The following TEX2 variants were observed in gnomAD, a reference collection of about 807,000 sequenced individuals.
TEX2 encodes testis-expressed protein 2.
TEX2 carries 53 observed loss-of-function variants against 106.9 expected under a neutral mutation model. The observed-to-expected ratio is 0.50, with a 90% CI of 0.40 to 0.62. The LOEUF (loss-of-function observed/expected upper bound fraction) is 0.62, where lower values mean the gene tolerates loss of function less well. Ranked by LOEUF, TEX2 falls within the 20% of genes least tolerant of loss-of-function variation. TEX2 has a pLI of 0.00. For missense variants in TEX2, 1,207 were observed against 1,379.0 expected, an observed-to-expected ratio of 0.88 and a Z score of 1.98; for synonymous variants, 523 against 534.8, an observed-to-expected ratio of 0.98 and a Z score of 0.30.
rs1420552189 is a variant in TEX2 at position 64,252,379 on chromosome 17, G to C, written c.-26+10789C>G. Among the ~76,000 whole-genome samples the C allele has an allele frequency of 3.3e-5, 5 of 151,920 alleles. No individual in the cohort carries two copies. The South Asian group carries it at 8.3e-4, about 25-fold the overall frequency. ...CCAGGCTGGAGTGCAGTGGCACAATGATGGCTCACTGCAGCCTGGACCTCC... is the reference window on the plus strand; with the variant it reads ...CCAGGCTGGAGTGCAGTGGCACAATCATGGCTCACTGCAGCCTGGACCTCC... On this transcript the variant is annotated intron_variant, in intron 1 of 11. Transcript: ENST00000584379.
intron 1 of TEX2, among the ~76,000 whole-genome samples, chr17:64,219,374 C>T (rs1464594095): frequency 1.3e-5 from 2 of 151,902 alleles, no homozygotes; most frequent in African/African-American, 2.4e-5. Flanking sequence ...GACGTGGTGG[C>T]GCATGCCTGT....
At chr17:64,247,554 G>T (rs782721797) in intron 1 of TEX2, among the ~76,000 whole-genome samples, 7 of 152,172 alleles carry the variant, frequency 4.6e-5, no homozygotes, top group Non-Finnish European at 7.3e-5. Flanking sequence ...CTCCAGAGAT[G>T]ATCTGGTTTG....
At chr17:64,197,979 ACTTTAT>A (rs782220630) in intron 2 of TEX2, among the ~76,000 whole-genome samples, 2 of 152,014 alleles carry the variant, frequency 1.3e-5, no homozygotes, top group African/African-American at 2.4e-5. Flanking sequence ...TTCCCTTATG[ACTTTAT>A]CTTTAGGCCC....
chr17:64,228,098 T>C (rs1181081557), intron 1 of TEX2, among the ~76,000 whole-genome samples: 3 of 152,176 alleles, frequency 2.0e-5, no homozygotes, highest in African/African-American at 4.8e-5. Flanking sequence ...GTTATTTCCT[T>C]AGGAAATATT....
rs10526886 is a variant in TEX2 at position 64,218,405 on chromosome 17, CTTTTTTTTTTTTTTTT to C, written c.-25-4179_-25-4164del. 5.8e-5 allele frequency among the ~76,000 whole-genome samples: 7 copies of C among 120,614 alleles called. No individual in the cohort carries two copies. In the South Asian group the frequency reaches 1.3e-3, roughly 22 times the overall value. 79.1% of individuals were successfully genotyped at this position (120,614 alleles called of 152,430 possible). On this transcript the variant is annotated intron_variant, in intron 1 of 11. Transcript: ENST00000584379. ...CCTAGTCTGGCAAAGGACACTTTCA[CTTTTTTTTTTTTTTTT>C]TTTTTTTTTTTTTTAAAGACAGAGT...
rs1422447522 is a variant in TEX2 at position 64,148,809 on chromosome 17, C to A, written c.*160G>T. The stretch of plus-strand genomic sequence containing the variant: ...AGTTGTCACTAGATGCAGGGAATGA[C>A]ACCTCACAGTGGAATGGGCACTGGC... On this transcript the variant is annotated 3_prime_UTR_variant, in exon 12 of 12. Transcript: ENST00000584379. 2.4e-6 allele frequency: 2 copies of A among 821,010 alleles called. No individual in the cohort carries two copies. The highest frequency in any genetic ancestry group is 3.5e-5 in the African/African-American group (2 of 57,254). The allele number at this position is 821,010 out of a possible 1,614,324, so 50.9% of individuals were successfully genotyped here.
chr17:64,247,005 C>T (rs2034000635), intron 1 of TEX2, among the ~76,000 whole-genome samples: 1 of 151,816 alleles, frequency 6.6e-6, no homozygotes, highest in African/African-American at 2.4e-5. Flanking sequence ...CGTGGTGGCT[C>T]ATGCCTGTAA....
At chr17:64,246,926 T>A (rs1216080596) in intron 1 of TEX2, among the ~76,000 whole-genome samples, 2 of 152,048 alleles carry the variant, frequency 1.3e-5, no homozygotes, top group Non-Finnish European at 2.9e-5. Context: ...TCACCAGACC[T>A]AACAGAAAAG....
intron 1 of TEX2, among the ~76,000 whole-genome samples, chr17:64,261,758 C>T (rs1214162127): frequency 2.0e-5 from 3 of 152,170 alleles, no homozygotes; most frequent in Non-Finnish European, 4.4e-5. Context: ...TGGCAAAATC[C>T]CACTCTATCC....
chr17:64,188,401 G>T lies in TEX2; in HGVS notation c.2191C>A (p.His731Asn). 6.2e-7 allele frequency: 1 copy of T among 1,614,186 alleles called. No individual in the cohort carries two copies. Among genetic ancestry groups the T allele is most frequent in the South Asian group, 1.1e-5 (1 of 91,082 alleles). Residue 731 changes from histidine (H) to asparagine (N), a missense_variant, in exon 5 of 12, where the codon CAC (histidine) becomes AAC (asparagine). Physicochemically the swap from His to Asn is moderately conservative, Grantham distance 68. Coordinates refer to ENST00000584379, the MANE Select transcript of TEX2 (RefSeq NM_001288732.2). Reference sequence around the variant, plus strand: ...CCGGACGGACTGTTGTGTCTGCTGTGTGCAGGCAAAAGCCCTGGAGCCAAG... The same window carrying T: ...CCGGACGGACTGTTGTGTCTGCTGTTTGCAGGCAAAAGCCCTGGAGCCAAG... ...SGGKPGLLPA[H>N]SRHNSPSGHL...
chr17:64,245,998 T>A (rs1311366857), intron 1 of TEX2, among the ~76,000 whole-genome samples: 1 of 151,926 alleles, frequency 6.6e-6, no homozygotes, highest in Non-Finnish European at 1.5e-5. Context: ...TTAAGCAGAG[T>A]CTCCCAGATC....
intron 1 of TEX2, among the ~76,000 whole-genome samples, chr17:64,257,994 C>G (rs1211072384): frequency 6.6e-6 from 1 of 152,032 alleles, no homozygotes; most frequent in Non-Finnish European, 1.5e-5. Flanking sequence ...TCACTGCAAC[C>G]TCCGCCTCCT....
At chr17:64,158,763 G>A (rs1016866418) in intron 8 of TEX2, among the ~76,000 whole-genome samples, 4 of 152,136 alleles carry the variant, frequency 2.6e-5, no homozygotes, top group Non-Finnish European at 5.9e-5. Context: ...GTGCTCTCAG[G>A]TTCCCGAAAG....
intron 1 of TEX2, among the ~76,000 whole-genome samples, chr17:64,222,123 G>T (rs782749683): frequency 6.6e-6 from 1 of 152,118 alleles, no homozygotes; most frequent in African/African-American, 2.4e-5. Flanking sequence ...TAATACTACC[G>T]AACTTAAAAA....
chr17:64,229,011 A>AT (rs1291169003), intron 1 of TEX2, among the ~76,000 whole-genome samples: 1 of 151,432 alleles, frequency 6.6e-6, no homozygotes, highest in Admixed American at 6.6e-5. Flanking sequence ...TAACTTAATC[A>AT]TTTTTTTATT....
intron 8 of TEX2, among the ~76,000 whole-genome samples, chr17:64,158,943 A>G (rs2030757552): frequency 6.6e-6 from 1 of 152,164 alleles, no homozygotes; most frequent in African/African-American, 2.4e-5. Context: ...TTTATAACAG[A>G]CTGTTCTAGA....
Position 64,223,419 on chromosome 17 carries a change from C to T in TEX2, c.-25-9177G>A, listed in dbSNP as rs76272185. Among the ~76,000 whole-genome samples the T allele has an allele frequency of 1.8e-3, 244 of 137,758 alleles. 1 individual carries two copies. The highest frequency in any genetic ancestry group is 3.1e-3 in the Non-Finnish European group (202 of 65,528). The allele number at this position is 137,758 out of a possible 152,430, so 90.4% of individuals were successfully genotyped here. A position where few individuals can be genotyped will look rare whatever the true frequency, so the allele number is the denominator to read the frequency against. On this transcript the variant is annotated intron_variant, in intron 1 of 11. Coordinates refer to ENST00000584379, the MANE Select transcript of TEX2 (RefSeq NM_001288732.2). ...CATTTTCTACTAATAACTGCCCTTC[C>T]TAGCTCTGTCTTTCACAATCCTGGG...
chr17:64,181,022 T>C (rs1341760120), intron 5 of TEX2, among the ~76,000 whole-genome samples: 9 of 152,206 alleles, frequency 5.9e-5, no homozygotes, highest in Admixed American at 5.9e-4. Flanking sequence ...TGTGTGTTTC[T>C]TTCCCTTGAT....
intron 1 of TEX2, among the ~76,000 whole-genome samples, chr17:64,244,156 T>C (rs2033945226): frequency 6.6e-6 from 1 of 152,166 alleles, no homozygotes. Context: ...TTGGATTATT[T>C]TGGGAAACCA....
Sources: gnomAD v4.1 joint callset for allele counts (sites outside exome capture counted in the v4.1 genomes callset) on GRCh38, gnomAD v4.1.1 for gene constraint, MANE v1.5 for transcripts, NCBI Gene and HGNC (gene_info 2026-07-23, HGNC 2026-07-21) for gene names.